The following RB1CC1 variants were observed in gnomAD, a reference collection of about 807,000 sequenced individuals.
The protein encoded by RB1CC1 is RB1 inducible coiled-coil 1, also known as RB1-inducible coiled-coil protein 1.
RB1CC1 carries 46 observed loss-of-function variants against 177.5 expected under a neutral mutation model. That is an observed-to-expected ratio of 0.26 (90% confidence interval 0.20 to 0.33). The LOEUF is 0.33. RB1CC1 is among the 10% of genes least tolerant of loss of function. The probability of loss-of-function intolerance (pLI) is 1.00; values close to 1 mark genes in which losing one functional copy is unlikely to be tolerated. For synonymous variants in RB1CC1, 666 were observed against 613.6 expected (o/e 1.09, Z -1.26); for missense variants, 1,703 against 1,816.3 (o/e 0.94, Z 1.13).
chr8:52,671,647 T>A (rs1343088312), intron 7 of RB1CC1, among the ~76,000 whole-genome samples: 1 of 152,230 alleles, frequency 6.6e-6, no homozygotes, highest in East Asian at 1.9e-4. Flanking sequence ...TTGTAAAATA[T>A]AAATAAATTT....
chr8:52,685,932 CTTA>C (rs1161173010), intron 2 of RB1CC1: 1 of 152,328 alleles, frequency 6.6e-6, no homozygotes, highest in African/African-American at 2.4e-5. Context: ...TAAGGTTAAA[CTTA>C]CTAATCGCAA....
chr8:52,712,193 G>A (rs546850509), intron 1 of RB1CC1, among the ~76,000 whole-genome samples: 1 of 152,132 alleles, frequency 6.6e-6, no homozygotes, highest in Non-Finnish European at 1.5e-5. Flanking sequence ...AAAGAAAAGT[G>A]TAACTGGAGT....
chr8:52,703,057 T>A (rs2360753), intron 1 of RB1CC1, among the ~76,000 whole-genome samples: 1 of 151,738 alleles, frequency 6.6e-6, no homozygotes, highest in Admixed American at 6.6e-5. Context: ...AGAGATCACA[T>A]GCAGGTAGCT....
Position 52,657,566 on chromosome 8 carries a change from G to C in RB1CC1, c.2263C>G (p.Gln755Glu). Reference protein sequence around the residue: ...LSSPNPISDPQSPEMMVESLY... With the variant: ...LSSPNPISDPESPEMMVESLY... ...GATTCCACCATCATTTCTGGGCTTTGTGGATCACTTATAGGATTAGGAGAC... is the reference window on the plus strand; with the variant it reads ...GATTCCACCATCATTTCTGGGCTTTCTGGATCACTTATAGGATTAGGAGAC... Residue 755 changes from glutamine (Q) to glutamate (E), a missense_variant, in exon 15 of 24, where the codon CAA becomes GAA. Around this residue, in one of 6 missense-constraint regions of RB1CC1, gnomAD observed 1,169 missense variants for 1,184.7 expected, o/e 0.99. Coordinates refer to ENST00000025008, the MANE Select transcript of RB1CC1 (RefSeq NM_014781.5). 1 of 1,614,028 alleles carries C rather than the reference G, an allele frequency of 6.2e-7. No homozygotes were observed. The highest frequency in any genetic ancestry group is 1.1e-5 in the South Asian group (1 of 91,074).
At chr8:52,629,763 G>A (rs111509782) in intron 21 of RB1CC1, among the ~76,000 whole-genome samples, 26 of 152,286 alleles carry the variant, frequency 1.7e-4, no homozygotes, top group East Asian at 7.7e-4. Flanking sequence ...TCTACTGACA[G>A]CTCTTTCAAC....
intron 15 of RB1CC1, among the ~76,000 whole-genome samples, chr8:52,646,810 A>G (rs867114212): frequency 6.6e-6 from 1 of 152,138 alleles, no homozygotes; most frequent in South Asian, 2.1e-4. Flanking sequence ...ACTTCTAATT[A>G]TAACTTCTAA....
intron 1 of RB1CC1, among the ~76,000 whole-genome samples, chr8:52,707,331 C>T (rs1423315692): frequency 1.3e-5 from 2 of 151,856 alleles, no homozygotes; most frequent in African/African-American, 4.8e-5. Flanking sequence ...AAATTCGGTG[C>T]TTTTCCTTTA....
chr8:52,704,257 T>C (rs1856360852), intron 1 of RB1CC1, among the ~76,000 whole-genome samples: 2 of 152,162 alleles, frequency 1.3e-5, no homozygotes, highest in African/African-American at 2.4e-5. Flanking sequence ...CTTCTATAAA[T>C]AGTCAAATCA....
intron 16 of RB1CC1, 36 bp downstream of exon 16, chr8:52,645,666 T>G (rs1233605108): frequency 3.2e-6 from 5 of 1,584,314 alleles, no homozygotes; most frequent in Non-Finnish European, 4.3e-6. Context: ...TCTACCTTCT[T>G]TAGTTCTCAA....
At chr8:52,678,774 T>C (rs1398096482) in intron 5 of RB1CC1, among the ~76,000 whole-genome samples, 1 of 152,210 alleles carries the variant, frequency 6.6e-6, no homozygotes, top group Non-Finnish European at 1.5e-5. Context: ...GGAAGTACAA[T>C]GATATGAATG....
intron 16 of RB1CC1, 128 bp downstream of exon 16, chr8:52,645,574 A>C: frequency 1.0e-6 from 1 of 982,816 alleles, no homozygotes. Context: ...GAAATTTATT[A>C]ACAGGATCAA....
Position 52,642,467 on chromosome 8 carries a change from T to C in RB1CC1, c.4221A>G (p.Pro1407=). 1.2e-6 allele frequency: 2 copies of C among 1,614,132 alleles called. No homozygotes were observed. The highest frequency in any genetic ancestry group is 1.7e-6 in the Non-Finnish European group (2 of 1,180,000). ...FVPSPYVATA[P]ELYGACAPEL... The stretch of plus-strand genomic sequence containing the variant: ...CAGGTGCACAAGCTCCATAAAGTTC[T>C]GGGGCTGTAGCTACATATGGTGAAG... Residue 1407 remains proline (P), a synonymous_variant, in exon 18 of 24, where the codon CCA becomes CCG. Coordinates refer to ENST00000025008, the MANE Select transcript of RB1CC1 (RefSeq NM_014781.5).
intron 20 of RB1CC1, among the ~76,000 whole-genome samples, chr8:52,633,273 T>C (rs1217296502): frequency 6.6e-6 from 1 of 152,202 alleles, no homozygotes; most frequent in Non-Finnish European, 1.5e-5. Context: ...TCAGATACTT[T>C]TGGGTTCACA....
At chr8:52,658,173 G>T (rs753580505) in intron 13 of RB1CC1, 49 bp from the exon 14 acceptor site, 1 of 1,541,146 alleles carries the variant, frequency 6.5e-7, no homozygotes, top group South Asian at 1.2e-5. Flanking sequence ...TAATGAACTA[G>T]TAGATAACTG....
intron 23 of RB1CC1, 65 bp downstream of exon 23, chr8:52,624,652 T>C: frequency 2.4e-6 from 3 of 1,262,322 alleles, no homozygotes; most frequent in Non-Finnish European, 3.4e-6. Context: ...ATGATTTCTA[T>C]ATAAAGCAGT....
rs1850357651 is a variant in RB1CC1 at position 52,649,357 on chromosome 8, G to A, written c.3822-3490C>T. ...TTGAAAAAAGGCATCTCTAAAGGCT[G>A]ACAGTTTTTCCCACCATTAAAATGT... On this transcript the variant is annotated intron_variant, in intron 15 of 23. Coordinates refer to ENST00000025008, the MANE Select transcript of RB1CC1 (RefSeq NM_014781.5). Among the ~76,000 whole-genome samples the A allele has an allele frequency of 2.0e-5, 3 of 152,300 alleles. No individual in the cohort carries two copies. The South Asian group carries it at 6.2e-4, about 32-fold the overall frequency.
In RB1CC1 at chr8:52,673,913, T is replaced by C. The variant is rs758746107; in HGVS notation, c.934A>G (p.Ile312Val). ...TCATTAGGTCTATCTTGAACATTTATCCAGTCTAACAAAGAGACATTAAAA... is the reference window on the plus strand; with the variant it reads ...TCATTAGGTCTATCTTGAACATTTACCCAGTCTAACAAAGAGACATTAAAA... ...PFFNVSLLDW[I>V]NVQDRPNDVE... Residue 312 changes from isoleucine to valine, a missense_variant, in exon 7 of 24, where the codon ATA becomes GTA. Transcript: ENST00000025008. The C allele has an allele frequency of 2.5e-5, 40 of 1,614,046 alleles. No individual in the cohort carries two copies. The South Asian group carries it at 4.1e-4, about 16-fold the overall frequency.
chr8:52,638,412 A>T (rs922508150), intron 18 of RB1CC1, among the ~76,000 whole-genome samples: 1 of 152,136 alleles, frequency 6.6e-6, no homozygotes, highest in African/African-American at 2.4e-5. Flanking sequence ...TAGTTATAGA[A>T]GATGTATTTT....
chr8:52,683,458 T>C (rs570286741), intron 5 of RB1CC1, 91 bp downstream of exon 5: 5 of 1,166,258 alleles, frequency 4.3e-6, no homozygotes, highest in African/African-American at 3.2e-5. Context: ...GTCAAACTTT[T>C]TGCATACTTC....
Sources: gnomAD v4.1 joint callset for allele counts (sites outside exome capture counted in the v4.1 genomes callset) on GRCh38, gnomAD v4.1.1 for gene constraint, gnomAD v4.1.1 regional missense constraint, MANE v1.5 for transcripts, NCBI Gene and HGNC (gene_info 2026-07-23, HGNC 2026-07-21) for gene names.